The following ARHGAP42 variants were observed in gnomAD, a reference collection of about 807,000 sequenced individuals.
ARHGAP42 encodes rho GTPase-activating protein 42.
ARHGAP42 carries 63 observed loss-of-function variants against 125.0 expected under a neutral mutation model. That is an observed-to-expected ratio of 0.50 (90% confidence interval 0.41 to 0.62). The LOEUF (loss-of-function observed/expected upper bound fraction) is 0.62, where lower values mean the gene tolerates loss of function less well. Among genes scored for constraint, ARHGAP42 ranks in the 20% least tolerant of loss-of-function variants. ARHGAP42 has a pLI of 0.00. For missense variants in ARHGAP42, 766 were observed against 1,024.2 expected, an observed-to-expected ratio of 0.75 and a Z score of 3.44; for synonymous variants, 339 against 351.0, an observed-to-expected ratio of 0.97 and a Z score of 0.38.
intron 4 of ARHGAP42, among the ~76,000 whole-genome samples, chr11:100,899,004 C>G (rs1400844346): frequency 6.6e-6 from 1 of 152,328 alleles, no homozygotes; most frequent in East Asian, 1.9e-4. Flanking sequence ...CCTCTACACA[C>G]TGCTTTAAAT....
At chr11:100,845,889 T>A (rs936042227) in intron 3 of ARHGAP42, among the ~76,000 whole-genome samples, 1 of 152,156 alleles carries the variant, frequency 6.6e-6, no homozygotes, top group East Asian at 1.9e-4. Flanking sequence ...TCAGCCTAAT[T>A]GAGTTTTTGG....
intron 3 of ARHGAP42, among the ~76,000 whole-genome samples, chr11:100,858,803 A>G (rs1186067930): frequency 1.3e-5 from 2 of 152,144 alleles, no homozygotes; most frequent in East Asian, 3.9e-4. Context: ...TCTTTATTTT[A>G]ATGCTTTCTA....
intron 1 of ARHGAP42, among the ~76,000 whole-genome samples, chr11:100,760,394 A>C (rs987124349): frequency 6.6e-6 from 1 of 152,174 alleles, no homozygotes; most frequent in Non-Finnish European, 1.5e-5. Context: ...ATAGCTTAGT[A>C]TGTCCTTTAA....
At chr11:100,950,937 A>C (rs1857634393) in intron 12 of ARHGAP42, among the ~76,000 whole-genome samples, 1 of 151,852 alleles carries the variant, frequency 6.6e-6, no homozygotes, top group Non-Finnish European at 1.5e-5. Context: ...CCTGGTCTCT[A>C]ACTATTGGCC....
intron 2 of ARHGAP42, among the ~76,000 whole-genome samples, chr11:100,779,600 A>G (rs1863250727): frequency 6.8e-6 from 1 of 146,106 alleles, no homozygotes; most frequent in Non-Finnish European, 1.5e-5. Context: ...GTGTATATAT[A>G]TGTACTTACT....
intron 1 of ARHGAP42, among the ~76,000 whole-genome samples, chr11:100,757,319 G>A (rs1190985911): frequency 6.6e-6 from 1 of 152,154 alleles, no homozygotes; most frequent in Non-Finnish European, 1.5e-5. Context: ...TGATTCTGTT[G>A]TTTGGGTAAG....
At chr11:100,895,122 A>C (rs1024047974) in intron 4 of ARHGAP42, among the ~76,000 whole-genome samples, 3 of 152,244 alleles carry the variant, frequency 2.0e-5, no homozygotes, top group African/African-American at 7.2e-5. Context: ...AGAGGAGGCC[A>C]AGGCCCTAGA....
At chr11:100,955,573 A>G (rs2135291247) in intron 12 of ARHGAP42, among the ~76,000 whole-genome samples, 1 of 152,246 alleles carries the variant, frequency 6.6e-6, no homozygotes, top group Non-Finnish European at 1.5e-5. Flanking sequence ...CCATCAATCA[A>G]TAAGCATGTA....
At chr11:100,699,303 T>C (rs1024232129) in intron 1 of ARHGAP42, among the ~76,000 whole-genome samples, 4 of 151,720 alleles carry the variant, frequency 2.6e-5, no homozygotes, top group East Asian at 1.9e-4. Flanking sequence ...GTAAATCTTA[T>C]TGGGAAACAC....
chr11:100,739,109 G>A (rs1446512487), intron 1 of ARHGAP42, among the ~76,000 whole-genome samples: 2 of 152,174 alleles, frequency 1.3e-5, no homozygotes, highest in African/African-American at 4.8e-5. Flanking sequence ...AGATTTGACA[G>A]TGGCTTTTTT....
intron 4 of ARHGAP42, among the ~76,000 whole-genome samples, chr11:100,903,729 T>G (rs1185264936): frequency 5.2e-5 from 5 of 95,796 alleles, no homozygotes; most frequent in Admixed American, 1.1e-4. Context: ...TATATATATA[T>G]ATATATATAT....
At chr11:100,716,235 G>T (rs75950317) in intron 1 of ARHGAP42, among the ~76,000 whole-genome samples, 3 of 152,092 alleles carry the variant, frequency 2.0e-5, no homozygotes, top group African/African-American at 7.2e-5. Context: ...TGGGTCCTTG[G>T]GGGTGCAGAA....
intron 3 of ARHGAP42, among the ~76,000 whole-genome samples, chr11:100,797,432 T>C (rs1863743753): frequency 6.6e-6 from 1 of 152,148 alleles, no homozygotes; most frequent in Non-Finnish European, 1.5e-5. Context: ...TGATTTTAAG[T>C]TGAAGCCAGT....
At chr11:100,972,700 C>A (rs1272007212) in intron 17 of ARHGAP42, among the ~76,000 whole-genome samples, 2 of 152,130 alleles carry the variant, frequency 1.3e-5, no homozygotes, top group African/African-American at 4.8e-5. Flanking sequence ...TCTTTAGGAG[C>A]CTCTGAGGTT....
In ARHGAP42 at chr11:100,992,523, T is replaced by G; in HGVS notation, c.*3722T>G. 1.2e-6 allele frequency: 2 copies of G among 1,614,116 alleles called. No individual in the cohort carries two copies. The highest frequency in any genetic ancestry group is 2.2e-5 in the South Asian group (2 of 91,070). ...AGAAACAAAGATAGTTTTCTGAACA[T>G]TCTGTGTCCTGCCTGTCTCCTGTTG... On this transcript the variant is annotated 3_prime_UTR_variant, in exon 24 of 24. Coordinates refer to ENST00000298815, the MANE Select transcript of ARHGAP42 (RefSeq NM_152432.4).
chr11:100,704,631 G>A (rs747298413), intron 1 of ARHGAP42, among the ~76,000 whole-genome samples: 14 of 151,316 alleles, frequency 9.3e-5, no homozygotes, highest in Non-Finnish European at 1.9e-4. Flanking sequence ...ATGAAACAAG[G>A]ATGCAGAAGC....
At chr11:100,714,369 T>G (rs1370842983) in intron 1 of ARHGAP42, among the ~76,000 whole-genome samples, 5 of 148,776 alleles carry the variant, frequency 3.4e-5, no homozygotes, top group African/African-American at 1.3e-4. Flanking sequence ...TAGGTTCACT[T>G]ACATGTAAAA....
chr11:100,885,748 T>G lies in ARHGAP42; in HGVS notation c.384+26123T>G, dbSNP rs1334245258. On this transcript the variant is annotated intron_variant, in intron 4 of 23. Transcript: ENST00000298815. Reference sequence around the variant, plus strand: ...ACTCCCAAGTTAACTTCAGACCAAATTTTTATAATTTTATTGCATATATAT... The same window carrying G: ...ACTCCCAAGTTAACTTCAGACCAAAGTTTTATAATTTTATTGCATATATAT... 3.9e-5 allele frequency among the ~76,000 whole-genome samples: 6 copies of G among 152,214 alleles called. No homozygotes were observed. The East Asian group carries it at 1.2e-3, about 29-fold the overall frequency.
Position 100,976,393 on chromosome 11 carries a change from A to G in ARHGAP42, c.2192A>G (p.Lys731Arg), listed in dbSNP as rs1858392381. ...KKEPYGLSGLKRASASSLRSI... is the reference protein window; with the variant it reads ...KKEPYGLSGLRRASASSLRSI... ...GAGCCTTATGGGCTTTCAGGACTGAAAAGAGCTTCTGCTTCTTCTCTCAGA... is the reference window on the plus strand; with the variant it reads ...GAGCCTTATGGGCTTTCAGGACTGAGAAGAGCTTCTGCTTCTTCTCTCAGA... The change falls in exon 20 of 24, where the codon AAA (lysine) becomes AGA (arginine). Residue 731 changes from lysine (K) to arginine (R), a missense_variant. This residue lies in a region of ARHGAP42 where 308 missense variants were observed against 369.7 expected (regional missense o/e 0.83). Transcript: ENST00000298815. The G allele has an allele frequency of 1.9e-6, 3 of 1,543,906 alleles. No individual in the cohort carries two copies. The highest frequency in any genetic ancestry group is 1.4e-5 in the African/African-American group (1 of 72,710).
Sources: gnomAD v4.1 joint callset for allele counts (sites outside exome capture counted in the v4.1 genomes callset) on GRCh38, gnomAD v4.1.1 for gene constraint, gnomAD v4.1.1 regional missense constraint, MANE v1.5 for transcripts, NCBI Gene and HGNC (gene_info 2026-07-23, HGNC 2026-07-21) for gene names.